ZFHX3: variants seen among roughly 807,000 people sequenced by gnomAD.
The protein encoded by ZFHX3 is zinc finger homeobox protein 3.
Under a neutral mutation model 279.1 loss-of-function variants are expected in ZFHX3, and 42 were observed. That is an observed-to-expected ratio of 0.15 (90% CI 0.12 to 0.19). ZFHX3 has a LOEUF of 0.19. ZFHX3 is among the 10% of genes least tolerant of loss of function. ZFHX3 has a pLI of 1.00. For synonymous variants in ZFHX3, 2,293 were observed against 1,957.8 expected (o/e 1.17, Z -4.52); for missense variants, 4,981 against 4,754.0 (o/e 1.05, Z -1.40).
chr16:72,979,734 T>G (rs4788684), intron 1 of ZFHX3, among the ~76,000 whole-genome samples: 86,889 of 151,938 alleles, frequency 0.57, 25,228 homozygotes, highest in African/African-American at 0.62. Flanking sequence ...CATCATAGCA[T>G]AAATTGAGGC....
At chr16:73,511,906 C>T (rs1329304201) in intron 2 of ZFHX3, among the ~76,000 whole-genome samples, 1 of 152,076 alleles carries the variant, frequency 6.6e-6, no homozygotes, top group Non-Finnish European at 1.5e-5. Flanking sequence ...GCAAAAGCAA[C>T]CTCCCCTCAC....
At chr16:73,409,479 A>C (rs1321861297) in intron 3 of ZFHX3, among the ~76,000 whole-genome samples, 1 of 152,208 alleles carries the variant, frequency 6.6e-6, no homozygotes, top group Non-Finnish European at 1.5e-5. Flanking sequence ...AAATGCTGGC[A>C]AGGATGTGGA....
chr16:73,668,831 G>A (rs34605117), intron 2 of ZFHX3, among the ~76,000 whole-genome samples: 134,933 of 152,156 alleles, frequency 0.89, 59,906 homozygotes, highest in East Asian at 0.98. Flanking sequence ...ATCACTGGTC[G>A]TTAGAGAAAT....
intron 3 of ZFHX3, among the ~76,000 whole-genome samples, chr16:73,402,882 C>G (rs72799453): frequency 0.098 from 14,679 of 149,526 alleles, 792 homozygotes; most frequent in Middle Eastern, 0.13. Flanking sequence ...GGGTGGCTGT[C>G]GTACATATGG....
At chr16:73,667,538 C>T (rs1319667676) in intron 2 of ZFHX3, among the ~76,000 whole-genome samples, 1 of 152,144 alleles carries the variant, frequency 6.6e-6, no homozygotes, top group South Asian at 2.1e-4. Flanking sequence ...ATTCCACCAG[C>T]ATGTATGACA....
intron 2 of ZFHX3, among the ~76,000 whole-genome samples, chr16:73,593,970 A>C (rs894501987): frequency 1.4e-4 from 22 of 152,316 alleles, no homozygotes; most frequent in African/African-American, 5.3e-4. Context: ...TTCCTATGTG[A>C]AACGGGGATT....
At chr16:73,193,909 T>G (rs117499774) in intron 5 of ZFHX3, among the ~76,000 whole-genome samples, 2 of 152,220 alleles carry the variant, frequency 1.3e-5, no homozygotes, top group Non-Finnish European at 2.9e-5. Flanking sequence ...ACACTCAAGA[T>G]GTAGTGACAG....
intron 2 of ZFHX3, among the ~76,000 whole-genome samples, chr16:73,483,840 C>G (rs548470997): frequency 6.6e-6 from 1 of 151,892 alleles, no homozygotes. Context: ...AAAAATGGAC[C>G]GAGGGCTTTG....
Position 72,889,925 on chromosome 16 carries a change from C to T in ZFHX3, c.3254G>A (p.Ser1085Asn), listed in dbSNP as rs1597350329. The T allele has an allele frequency of 6.2e-7, 1 of 1,614,098 alleles. No homozygotes were observed. Among genetic ancestry groups the T allele is most frequent in the Non-Finnish European group, 8.5e-7 (1 of 1,180,030 alleles). The change falls in exon 4 of 10, where the codon AGC (serine) becomes AAC (asparagine). Residue 1085 changes from serine (S) to asparagine (N), a missense_variant. This residue lies in a region of ZFHX3 where 1,751 missense variants were observed against 1,770.0 expected (regional missense o/e 0.99). Transcript: ENST00000268489. ...QQHESGVEGE[S>N]CYYHCVLCNY... is the part of the protein sequence containing the mutation. ...GCACAGAACGCAGTGGTAGTAGCAG[C>T]TCTCACCTTCTACACCACTCTCATG... is the stretch of plus-strand genomic sequence containing the variant.
At chr16:73,340,727 T>C (rs1387234404) in intron 3 of ZFHX3, among the ~76,000 whole-genome samples, 2 of 152,102 alleles carry the variant, frequency 1.3e-5, no homozygotes, top group East Asian at 1.9e-4. Flanking sequence ...TTTTTTGATA[T>C]AGTTAGTAAA....
chr16:73,654,625 G>T (rs930982920), intron 2 of ZFHX3, among the ~76,000 whole-genome samples: 1 of 151,710 alleles, frequency 6.6e-6, no homozygotes, highest in African/African-American at 2.4e-5. Context: ...TGAATAATTT[G>T]GTTGTAAACC....
intron 4 of ZFHX3, among the ~76,000 whole-genome samples, chr16:73,311,523 G>C (rs12928683): frequency 0.41 from 60,468 of 147,520 alleles, 12,719 homozygotes; most frequent in Non-Finnish European, 0.48. Context: ...CTGTGAGACA[G>C]AGGTTGCAGT....
At chr16:73,606,688 C>T (rs116668986) in intron 2 of ZFHX3, among the ~76,000 whole-genome samples, 4,263 of 152,154 alleles carry the variant, frequency 0.028, 180 homozygotes, top group African/African-American at 0.097. Flanking sequence ...CTAGGTATTA[C>T]GCCCAGCATG....
chr16:73,621,050 A>C (rs2052355617), intron 2 of ZFHX3, among the ~76,000 whole-genome samples: 1 of 152,242 alleles, frequency 6.6e-6, no homozygotes, highest in African/African-American at 2.4e-5. Context: ...TGTAATTATT[A>C]AAATCATACT....
chr16:73,082,337 G>A (rs905354703), intron 8 of ZFHX3, among the ~76,000 whole-genome samples: 2 of 151,898 alleles, frequency 1.3e-5, no homozygotes, highest in East Asian at 3.9e-4. Flanking sequence ...GCGCGATCTT[G>A]GCTCACTGCA....
At chr16:73,223,907 A>C (rs2043648437) in intron 5 of ZFHX3, among the ~76,000 whole-genome samples, 1 of 152,230 alleles carries the variant, frequency 6.6e-6, no homozygotes, top group African/African-American at 2.4e-5. Context: ...TATATTACTA[A>C]GTGAAAAAAG....
At chr16:73,636,989 T>C (rs1211585396) in intron 2 of ZFHX3, among the ~76,000 whole-genome samples, 2 of 152,034 alleles carry the variant, frequency 1.3e-5, no homozygotes, top group Admixed American at 1.3e-4. Context: ...AAGGAAGGAT[T>C]ATCCTAGAAG....
At chr16:73,697,933 T>A (rs569984798) in intron 1 of ZFHX3, among the ~76,000 whole-genome samples, 2 of 152,274 alleles carry the variant, frequency 1.3e-5, no homozygotes, top group Non-Finnish European at 2.9e-5. Flanking sequence ...CCAGATTTTG[T>A]TTTCTACAAA....
chr16:73,391,760 C>T (rs923035082), intron 3 of ZFHX3, among the ~76,000 whole-genome samples: 1 of 152,054 alleles, frequency 6.6e-6, no homozygotes, highest in Non-Finnish European at 1.5e-5. Flanking sequence ...CCAAGGGGGG[C>T]AGATCAGAAG....
Sources: gnomAD v4.1 joint callset for allele counts (sites outside exome capture counted in the v4.1 genomes callset) on GRCh38, gnomAD v4.1.1 for gene constraint, gnomAD v4.1.1 regional missense constraint, MANE v1.5 for transcripts, NCBI Gene and HGNC (gene_info 2026-07-23, HGNC 2026-07-21) for gene names.